The following OTOP1 variants were observed in gnomAD, a reference collection of about 807,000 sequenced individuals.
The protein encoded by OTOP1 is otopetrin 1.
In OTOP1, 59 loss-of-function variants were observed where a neutral mutation model predicts 52.9. That is an observed-to-expected ratio of 1.12 (90% CI 0.91 to 1.39). The LOEUF (loss-of-function observed/expected upper bound fraction) is 1.39, where lower values mean the gene tolerates loss of function less well. OTOP1 is among the 40% of genes most tolerant of loss of function. The probability of loss-of-function intolerance (pLI) is 0.00; values close to 1 mark genes in which losing one functional copy is unlikely to be tolerated. For synonymous variants in OTOP1, 317 were observed against 337.7 expected (o/e 0.94, Z 0.67); for missense variants, 761 against 800.9 (o/e 0.95, Z 0.60).
chr4:4,189,446 G>C (rs115735135), intron 5 of OTOP1, among the ~76,000 whole-genome samples: 1 of 152,182 alleles, frequency 6.6e-6, no homozygotes, highest in Non-Finnish European at 1.5e-5. Flanking sequence ...CACCTCTTGA[G>C]TTGTCAGGCT....
At chr4:4,216,698 T>C (rs1309064628) in intron 1 of OTOP1, among the ~76,000 whole-genome samples, 2 of 152,162 alleles carry the variant, frequency 1.3e-5, no homozygotes, top group Non-Finnish European at 2.9e-5. Context: ...TTCTGACAAA[T>C]ACGTGGTTGG....
chr4:4,200,716 T>C (rs990354366), intron 4 of OTOP1, among the ~76,000 whole-genome samples: 25 of 97,662 alleles, frequency 2.6e-4, no homozygotes, highest in African/African-American at 9.5e-4. Flanking sequence ...CATGCCAGCA[T>C]GCCTGCCTTT....
chr4:4,199,220 T>TTGTGGGTGTGTG (rs1716720742), intron 4 of OTOP1, among the ~76,000 whole-genome samples: 1 of 54,156 alleles, frequency 1.8e-5, no homozygotes, highest in African/African-American at 8.8e-5. Flanking sequence ...TCAGGTAAAA[T>TTGTGGGTGTGTG]TGTGTGTGTG....
intron 5 of OTOP1, among the ~76,000 whole-genome samples, chr4:4,191,633 C>T (rs1363839448): frequency 6.6e-6 from 1 of 152,194 alleles, no homozygotes; most frequent in Non-Finnish European, 1.5e-5. Flanking sequence ...CTCACCTCAC[C>T]CTTCAGCGAG....
chr4:4,199,425 T>C (rs1716730699), intron 4 of OTOP1, among the ~76,000 whole-genome samples: 1 of 152,094 alleles, frequency 6.6e-6, no homozygotes, highest in South Asian at 2.1e-4. Flanking sequence ...TGTGTTTTGT[T>C]TGTTTTGAGA....
Position 4,197,530 on chromosome 4 carries a change from T to C in OTOP1, c.1304A>G (p.Glu435Gly). 1 of 1,614,048 alleles carries C rather than the reference T, an allele frequency of 6.2e-7. No homozygotes were observed. Among genetic ancestry groups the C allele is most frequent in the East Asian group, 2.2e-5 (1 of 44,872 alleles). ...NLPYSILAIV[E>G]KYIQNLFIFE... ...GATGAAGAGGTTCTGGATGTACTTC[T>C]CCACGATCGCCAGGATGGAGTAGGG... Residue 435 changes from glutamate (E) to glycine (G), a missense_variant, in exon 5 of 6, where the codon GAG (glutamate) becomes GGG (glycine). Glu to Gly is a moderately conservative substitution (Grantham distance 98). Transcript: ENST00000296358.
intron 5 of OTOP1, among the ~76,000 whole-genome samples, chr4:4,191,544 AACCGCTCACTCCCACCGGGGGTTTTAT>A (rs942786070): frequency 1.3e-5 from 2 of 152,176 alleles, no homozygotes; most frequent in Non-Finnish European, 2.9e-5. Flanking sequence ...CTCAAACCAG[AACCGCTCACTCCCACCGGGGGTTTTAT>A]ACCAGCCATT....
intron 1 of OTOP1, among the ~76,000 whole-genome samples, chr4:4,214,714 C>G (rs191649465): frequency 1.1e-4 from 16 of 152,302 alleles, no homozygotes; most frequent in African/African-American, 3.8e-4. Context: ...AAGGACAATA[C>G]TGTAGGATTT....
intron 1 of OTOP1, among the ~76,000 whole-genome samples, chr4:4,218,490 A>C (rs1717196867): frequency 6.6e-6 from 1 of 152,088 alleles, no homozygotes; most frequent in Admixed American, 6.6e-5. Flanking sequence ...GAGAGGGAAG[A>C]AGGGAAAGGA....
chr4:4,202,345 A>G lies in OTOP1; in HGVS notation c.730+103T>C, dbSNP rs551074674. 2.2e-4 allele frequency: 336 copies of G among 1,531,414 alleles called. 3 individuals carry two copies. The South Asian group carries it at 3.6e-3, about 16-fold the overall frequency. The allele number at this position is 1,531,414 out of a possible 1,614,324, so 94.9% of individuals were successfully genotyped here. A position where few individuals can be genotyped will look rare whatever the true frequency, so the allele number is the denominator to read the frequency against. ...CTGATGCTGAGTTGGGTGGCCCTGC[A>G]GTTCTTTGGAACCTGCACTCCATCT... On this transcript the variant is annotated intron_variant, in intron 4 of 5. Coordinates refer to ENST00000296358, the MANE Select transcript of OTOP1 (RefSeq NM_177998.3).
chr4:4,200,284 A>G (rs1488407453), intron 4 of OTOP1, among the ~76,000 whole-genome samples: 2 of 152,022 alleles, frequency 1.3e-5, no homozygotes, highest in East Asian at 3.9e-4. Context: ...TCACAAGGTC[A>G]GGAGACTGAG....
intron 4 of OTOP1, among the ~76,000 whole-genome samples, chr4:4,201,475 C>T (rs1008511328): frequency 4.7e-5 from 7 of 149,930 alleles, no homozygotes; most frequent in African/African-American, 1.2e-4. Context: ...TATATATACA[C>T]ACACACACAC....
rs754011999 is a variant in OTOP1, at chr4:4,197,190, G to A, written c.1644C>T (p.Ala548=). Residue 548 remains alanine (A), a synonymous_variant, in exon 5 of 6, where the codon GCC becomes GCT. Coordinates refer to ENST00000296358, the MANE Select transcript of OTOP1 (RefSeq NM_177998.3). ...AKRKVLRNIA[A]FLFLCNISLW... Reference sequence around the variant, plus strand: ...CCGAAATATTGCAGAGGAACAAGAAGGCTGCAATATTCCTCAGGACTTTTC... The same window carrying A: ...CCGAAATATTGCAGAGGAACAAGAAAGCTGCAATATTCCTCAGGACTTTTC... 1.9e-6 allele frequency: 3 copies of A among 1,610,950 alleles called. No individual in the cohort carries two copies. Among genetic ancestry groups the A allele is most frequent in the East Asian group, 4.5e-5 (2 of 44,842 alleles).
intron 1 of OTOP1, among the ~76,000 whole-genome samples, chr4:4,225,288 A>T (rs574711713): frequency 6.6e-6 from 1 of 152,152 alleles, no homozygotes; most frequent in Non-Finnish European, 1.5e-5. Context: ...TGGCAGCCCC[A>T]GCCAGGCACA....
chr4:4,199,220 T>TTGTGTGTGTGTGTGTGTGTGTGTGTG (rs151144007), intron 4 of OTOP1, among the ~76,000 whole-genome samples: 10 of 54,216 alleles, frequency 1.8e-4, no homozygotes, highest in East Asian at 3.1e-4. Flanking sequence ...TCAGGTAAAA[T>TTGTGTGTGTGTGTGTGTGTGTGTGTG]TGTGTGTGTG....
intron 3 of OTOP1, among the ~76,000 whole-genome samples, chr4:4,203,651 C>T (rs1716838024): frequency 6.6e-6 from 1 of 152,250 alleles, no homozygotes; most frequent in African/African-American, 2.4e-5. Flanking sequence ...AGTCTTCCTA[C>T]ACCTGCAGGC....
At chr4:4,197,143 A>G in intron 5 of OTOP1, 23 bp downstream of exon 5, 1 of 1,560,372 alleles carries the variant, frequency 6.4e-7, no homozygotes, top group Non-Finnish European at 8.7e-7. Context: ...TTAAAAGAAT[A>G]AGAATAACTT....
intron 1 of OTOP1, among the ~76,000 whole-genome samples, chr4:4,223,113 T>G (rs1560212275): frequency 6.6e-6 from 1 of 152,214 alleles, no homozygotes. Context: ...GGCAACTCAC[T>G]GAATGTCTAA....
At chr4:4,203,106 T>A (rs1402466789) in intron 3 of OTOP1, among the ~76,000 whole-genome samples, 1 of 152,268 alleles carries the variant, frequency 6.6e-6, no homozygotes. Flanking sequence ...CAGCTAGGCA[T>A]GGCCATTCTG....
Sources: gnomAD v4.1 joint callset for allele counts (sites outside exome capture counted in the v4.1 genomes callset) on GRCh38, gnomAD v4.1.1 for gene constraint, MANE v1.5 for transcripts, NCBI Gene and HGNC (gene_info 2026-07-23, HGNC 2026-07-21) for gene names.